The following P2RX7 variants were observed in gnomAD, a reference collection of about 807,000 sequenced individuals.
P2RX7 encodes purinergic receptor P2X 7, also known as P2X purinoceptor 7.
P2RX7 carries 62 observed loss-of-function variants against 71.6 expected under a neutral mutation model. The observed-to-expected ratio is 0.87, with a 90% CI of 0.71 to 1.07. The LOEUF is 1.07. Among genes scored for constraint, P2RX7 ranks in the 50% least tolerant of loss-of-function variants. The pLI is 0.00. For synonymous variants in P2RX7, 299 were observed against 283.3 expected (o/e 1.06, Z -0.56); for missense variants, 686 against 748.5 (o/e 0.92, Z 0.97).
At chr12:121,150,165 C>A (rs1036779888) in intron 1 of P2RX7, among the ~76,000 whole-genome samples, 2 of 152,176 alleles carry the variant, frequency 1.3e-5, no homozygotes, top group East Asian at 3.8e-4. Flanking sequence ...CTTTCATGAT[C>A]ACAGTATCCC....
Position 121,133,029 on chromosome 12 carries a change from G to A in P2RX7, c.59G>A (p.Arg20Gln), listed in dbSNP as rs199558420. ...VFQYETNKVTRIQSMNYGTIK... is the reference protein window; with the variant it reads ...VFQYETNKVTQIQSMNYGTIK... ...CAGTATGAGACGAACAAAGTCACTC[G>A]GATCCAGAGCATGAATTATGGCACC... Residue 20 changes from arginine to glutamine, a missense_variant, in exon 1 of 13, where the codon CGG (arginine) becomes CAG (glutamine). Arg to Gln is a conservative substitution (Grantham distance 43, BLOSUM62 1). Coordinates refer to ENST00000328963, the MANE Select transcript of P2RX7 (RefSeq NM_002562.6). 6 of 1,614,088 alleles carry A rather than the reference G, an allele frequency of 3.7e-6. No homozygotes were observed. Among genetic ancestry groups the A allele is most frequent in the South Asian group, 2.2e-5 (2 of 91,080 alleles).
At chr12:121,184,204 A>G (rs12815078) in intron 12 of P2RX7, 101 bp from the exon 13 acceptor site, 108,395 of 1,372,304 alleles carry the variant, frequency 0.079, 4,679 homozygotes, top group Non-Finnish European at 0.087. Context: ...GCTACTATAA[A>G]TCATGTAATA....
chr12:121,148,969 TC>T, intron 1 of P2RX7: 1 of 458,166 alleles, frequency 2.2e-6, no homozygotes, highest in East Asian at 5.8e-5. Context: ...CTTTGGAGGC[TC>T]AGCCCTTTGA....
intron 1 of P2RX7, among the ~76,000 whole-genome samples, chr12:121,142,838 C>T (rs1249930386): frequency 6.6e-6 from 1 of 152,128 alleles, no homozygotes; most frequent in Non-Finnish European, 1.5e-5. Flanking sequence ...CCTGTAATCT[C>T]AGCACTTTGG....
At chr12:121,166,427 C>G (rs1463543002) in intron 7 of P2RX7, among the ~76,000 whole-genome samples, 1 of 152,198 alleles carries the variant, frequency 6.6e-6, no homozygotes, top group Non-Finnish European at 1.5e-5. Flanking sequence ...AGCAAGTTAT[C>G]AAAGCTTAGT....
Position 121,162,418 on chromosome 12 carries a change from C to A in P2RX7, c.437-6C>A. On this transcript the variant is annotated splice_region_variant and splice_polypyrimidine_tract_variant and intron_variant, in intron 4 of 12. Transcript: ENST00000328963. ...CTGTGGTTCTACGATGCTTTGACCC[C>A]TATAGGAATTCAGACCGGAAGGTGT... is the stretch of plus-strand genomic sequence containing the variant. 6.2e-7 allele frequency: 1 copy of A among 1,613,768 alleles called. No individual in the cohort carries two copies. The highest frequency in any genetic ancestry group is 8.5e-7 in the Non-Finnish European group (1 of 1,179,930).
At chr12:121,151,624 G>T (rs1877423884) in intron 1 of P2RX7, among the ~76,000 whole-genome samples, 1 of 152,070 alleles carries the variant, frequency 6.6e-6, no homozygotes, top group Non-Finnish European at 1.5e-5. Flanking sequence ...TTTTATTGGG[G>T]TGAAATTCAC....
chr12:121,155,802 AC>A (rs200270104), intron 2 of P2RX7, among the ~76,000 whole-genome samples: 3,502 of 151,296 alleles, frequency 0.023, 138 homozygotes, highest in African/African-American at 0.081. Context: ...TAAAAAAAAA[AC>A]AAAAACAAAA....
chr12:121,142,497 A>G (rs1875133763), intron 1 of P2RX7, among the ~76,000 whole-genome samples: 1 of 152,122 alleles, frequency 6.6e-6, no homozygotes, highest in Non-Finnish European at 1.5e-5. Context: ...TAAGGGGCTC[A>G]TGTGATTGGG....
intron 6 of P2RX7, among the ~76,000 whole-genome samples, chr12:121,165,728 G>A (rs1432785400): frequency 6.6e-6 from 1 of 152,174 alleles, no homozygotes; most frequent in African/African-American, 2.4e-5. Context: ...CGTGAACCTC[G>A]CCCTAGACCA....
At chr12:121,166,824 C>A (rs1214017802) in intron 7 of P2RX7, among the ~76,000 whole-genome samples, 1 of 151,044 alleles carries the variant, frequency 6.6e-6, no homozygotes, top group Non-Finnish European at 1.5e-5. Context: ...GGTGGATCAC[C>A]TGAGGTCAGG....
At chr12:121,175,726 CAAGA>C (rs1882999156) in intron 9 of P2RX7, among the ~76,000 whole-genome samples, 3 of 151,952 alleles carry the variant, frequency 2.0e-5, no homozygotes, top group African/African-American at 7.3e-5. Context: ...TGATACTTAA[CAAGA>C]GAGAGAAAGA....
intron 11 of P2RX7, among the ~76,000 whole-genome samples, chr12:121,180,082 G>A (rs1030654393): frequency 1.4e-5 from 2 of 147,808 alleles, no homozygotes; most frequent in Admixed American, 1.4e-4. Context: ...CTGGGAGGCG[G>A]AGGTTGCAGT....
intron 5 of P2RX7, among the ~76,000 whole-genome samples, chr12:121,165,140 A>G (rs1175936268): frequency 6.6e-6 from 1 of 152,172 alleles, no homozygotes; most frequent in African/African-American, 2.4e-5. Context: ...GAGCCAAACC[A>G]TATCAGATCT....
At chr12:121,169,405 T>C (rs1479663919) in intron 8 of P2RX7, among the ~76,000 whole-genome samples, 1 of 152,216 alleles carries the variant, frequency 6.6e-6, no homozygotes, top group African/African-American at 2.4e-5. Flanking sequence ...ACCGACCTAT[T>C]ATCTGAAGTA....
At position 121,187,784 on chromosome 12, in the gene P2RX7, G is replaced by C. The variant is rs987855892; in HGVS notation, c.*2982G>C. ...CCAAAGGTGATGAGAGTCACGTTTT[G>C]TAGGATCTGTTTTCTTATACTTAAA... On this transcript the variant is annotated 3_prime_UTR_variant, in exon 13 of 13. Coordinates refer to ENST00000328963, the MANE Select transcript of P2RX7 (RefSeq NM_002562.6). The C allele has an allele frequency of 2.0e-5, 3 of 152,164 alleles. No homozygotes were observed. Among genetic ancestry groups the C allele is most frequent in the African/African-American group, 7.2e-5 (3 of 41,444 alleles). 9.4% of individuals were successfully genotyped at this position (152,164 alleles called of 1,614,324 possible).
chr12:121,175,309 T>TAAAA (rs1882891461), intron 8 of P2RX7, 79 bp from the exon 9 acceptor site: 1 of 501,950 alleles, frequency 2.0e-6, no homozygotes. Context: ...AGACCCTGTC[T>TAAAA]CAAAAAAAAA....
intron 8 of P2RX7, among the ~76,000 whole-genome samples, chr12:121,173,593 A>C (rs1385694321): frequency 1.3e-5 from 2 of 152,214 alleles, no homozygotes; most frequent in Non-Finnish European, 2.9e-5. Context: ...GAAGTACCAG[A>C]TCCGCTCAAG....
At chr12:121,133,304 G>A (rs1159595640) in intron 1 of P2RX7, among the ~76,000 whole-genome samples, 17 of 152,238 alleles carry the variant, frequency 1.1e-4, no homozygotes, top group Admixed American at 1.1e-3. Flanking sequence ...CAGGACAAGC[G>A]GGATTCCTTT....
Sources: gnomAD v4.1 joint callset for allele counts (sites outside exome capture counted in the v4.1 genomes callset) on GRCh38, gnomAD v4.1.1 for gene constraint, MANE v1.5 for transcripts, NCBI Gene and HGNC (gene_info 2026-07-23, HGNC 2026-07-21) for gene names.